Variants in DLGAP2 observed in about 807,000 individuals in gnomAD.
DLGAP2 encodes the protein DLG associated protein 2, also known as disks large-associated protein 2.
A neutral mutation model predicts 100.3 loss-of-function variants in DLGAP2; 26 were observed. The observed-to-expected ratio is 0.26, with a 90% CI of 0.19 to 0.36. DLGAP2 has a LOEUF of 0.36. DLGAP2 is among the 10% of genes least tolerant of loss of function. DLGAP2 has a pLI of 1.00. For missense variants in DLGAP2, 1,858 were observed against 1,453.2 expected, an observed-to-expected ratio of 1.28 and a Z score of -4.53; for synonymous variants, 886 against 630.1, an observed-to-expected ratio of 1.41 and a Z score of -6.08.
intron 5 of DLGAP2, among the ~76,000 whole-genome samples, chr8:1,562,212 A>T (rs1172526903): frequency 5.3e-5 from 1 of 18,736 alleles, no homozygotes; most frequent in African/African-American, 2.2e-4. Flanking sequence ...GCACCTCGTT[A>T]CTGGGGGACT....
chr8:1,515,425 C>T (rs758550452), intron 4 of DLGAP2, among the ~76,000 whole-genome samples: 14 of 147,334 alleles, frequency 9.5e-5, no homozygotes, highest in South Asian at 4.2e-4. Flanking sequence ...CACACACACA[C>T]GCAGACACAT....
At chr8:1,393,061 C>A (rs1380305087) in intron 3 of DLGAP2, among the ~76,000 whole-genome samples, 1 of 40,824 alleles carries the variant, frequency 2.4e-5, no homozygotes, top group Non-Finnish European at 4.9e-5. Flanking sequence ...TGAGCGCCAC[C>A]TCCTCGTCCT....
At chr8:948,923 T>G (rs1799403039) in intron 2 of DLGAP2, among the ~76,000 whole-genome samples, 1 of 150,496 alleles carries the variant, frequency 6.6e-6, no homozygotes, top group African/African-American at 2.4e-5. Flanking sequence ...GCCGCCATCT[T>G]GGCGGGGGGA....
At chr8:1,598,079 G>A (rs1796514436) in intron 6 of DLGAP2, among the ~76,000 whole-genome samples, 1 of 152,212 alleles carries the variant, frequency 6.6e-6, no homozygotes, top group African/African-American at 2.4e-5. Context: ...ATGAAGCAGT[G>A]TCGAATTTTA....
At chr8:1,467,541 G>A (rs1346664497) in intron 3 of DLGAP2, among the ~76,000 whole-genome samples, 2 of 152,174 alleles carry the variant, frequency 1.3e-5, no homozygotes, top group African/African-American at 4.8e-5. Context: ...AGCACAAGCT[G>A]GCGTTTGCTG....
chr8:1,113,762 C>G (rs1263478595), intron 2 of DLGAP2, among the ~76,000 whole-genome samples: 1 of 152,050 alleles, frequency 6.6e-6, no homozygotes, highest in African/African-American at 2.4e-5. Flanking sequence ...AGTCGGCGTC[C>G]TTGTCTTGTG....
At chr8:1,464,641 G>T (rs1240706491) in intron 3 of DLGAP2, among the ~76,000 whole-genome samples, 1 of 151,816 alleles carries the variant, frequency 6.6e-6, no homozygotes, top group East Asian at 1.9e-4. Context: ...ATGACTGAAG[G>T]CAGATAGAGG....
intron 3 of DLGAP2, among the ~76,000 whole-genome samples, chr8:1,406,636 C>T (rs1796570588): frequency 5.5e-5 from 2 of 36,384 alleles, no homozygotes; most frequent in Non-Finnish European, 9.4e-5. Flanking sequence ...AGCGCTCCCT[C>T]CTTGTCCTCC....
intron 2 of DLGAP2, among the ~76,000 whole-genome samples, chr8:1,215,993 C>T (rs1237090386): frequency 1.3e-5 from 2 of 150,704 alleles, no homozygotes; most frequent in East Asian, 2.0e-4. Context: ...GTTCATTAGG[C>T]ACATCACCTG....
intron 1 of DLGAP2, among the ~76,000 whole-genome samples, chr8:775,541 TGA>T (rs1473183694): frequency 8.0e-6 from 1 of 125,486 alleles, no homozygotes; most frequent in Non-Finnish European, 1.7e-5. Flanking sequence ...CCTAATTTAT[TGA>T]GAGTTTTTAG....
chr8:1,300,315 C>A (rs1277159042), intron 3 of DLGAP2: 2 of 152,090 alleles, frequency 1.3e-5, no homozygotes, highest in African/African-American at 4.8e-5. Context: ...CTTGGACCCT[C>A]CAGGGGACTG....
chr8:1,145,919 C>T (rs568913363), intron 2 of DLGAP2, among the ~76,000 whole-genome samples: 78 of 151,656 alleles, frequency 5.1e-4, no homozygotes, highest in African/African-American at 1.7e-3. Context: ...CAATTTCATC[C>T]ATGTCCCTAC....
At chr8:1,226,465 G>A (rs767502038) in intron 2 of DLGAP2, among the ~76,000 whole-genome samples, 1 of 152,126 alleles carries the variant, frequency 6.6e-6, no homozygotes, top group Non-Finnish European at 1.5e-5. Flanking sequence ...ACACACAGGG[G>A]CCTGTCAGGG....
At chr8:1,649,232 T>C (rs1022969310) in intron 8 of DLGAP2, among the ~76,000 whole-genome samples, 1 of 152,084 alleles carries the variant, frequency 6.6e-6, no homozygotes, top group Non-Finnish European at 1.5e-5. Context: ...ATTCTTTTTG[T>C]TTCTTCAAAG....
At chr8:1,609,882 A>G (rs1178744608) in intron 6 of DLGAP2, among the ~76,000 whole-genome samples, 1 of 149,966 alleles carries the variant, frequency 6.7e-6, no homozygotes, top group Non-Finnish European at 1.5e-5. Context: ...ACCCAGATTC[A>G]TAAAGCAAGT....
At chr8:1,380,487 G>T (rs1796066106) in intron 3 of DLGAP2, among the ~76,000 whole-genome samples, 1 of 152,174 alleles carries the variant, frequency 6.6e-6, no homozygotes. Context: ...TGCCAGAGAT[G>T]CTCAGCTGCA....
At chr8:1,332,174 T>C (rs946691238) in intron 3 of DLGAP2, among the ~76,000 whole-genome samples, 2 of 152,170 alleles carry the variant, frequency 1.3e-5, no homozygotes, top group Admixed American at 1.3e-4. Flanking sequence ...TGTGTGCGAA[T>C]GTGAGCGTAT....
chr8:1,272,697 G>C (rs539704595), intron 3 of DLGAP2, among the ~76,000 whole-genome samples: 1 of 152,128 alleles, frequency 6.6e-6, no homozygotes, highest in African/African-American at 2.4e-5. Flanking sequence ...CTATGGGAAG[G>C]CCAGGCCTGA....
intron 1 of DLGAP2, among the ~76,000 whole-genome samples, chr8:749,980 C>T (rs1820750076): frequency 6.6e-6 from 1 of 152,334 alleles, no homozygotes; most frequent in Admixed American, 6.5e-5. Context: ...CCCCTTCCAT[C>T]CATCTCAGAT....
Sources: allele counts gnomAD v4.1 joint callset (sites outside exome capture counted in the v4.1 genomes callset), GRCh38; gene constraint gnomAD v4.1.1; transcripts MANE v1.5; gene names NCBI Gene and HGNC (gene_info 2026-07-23, HGNC 2026-07-21).